Variants in MAOB observed in about 807,000 individuals in gnomAD.
MAOB encodes amine oxidase [flavin-containing] B.
Under a neutral mutation model 41.9 loss-of-function variants are expected in MAOB, and 15 were observed. The observed-to-expected ratio is 0.36, with a 90% CI of 0.24 to 0.55. The LOEUF is 0.55. Among genes scored for constraint, MAOB ranks in the 20% least tolerant of loss-of-function variants. The probability of loss-of-function intolerance (pLI) is 0.86; values close to 1 mark genes in which losing one functional copy is unlikely to be tolerated. For synonymous variants in MAOB, 167 were observed against 144.2 expected (o/e 1.16, Z -1.13); for missense variants, 345 against 398.7 (o/e 0.87, Z 1.15).
At chrX:43,795,691 G>C (rs1368515145) in intron 7 of MAOB, 48 bp downstream of exon 7, 1 of 1,073,793 alleles carries the variant, frequency 9.3e-7, no homozygotes, top group African/African-American at 1.9e-5. Context: ...TTGTATGCCA[G>C]GAAACTGGGA....
At chrX:43,787,383 C>T (rs1479886392) in intron 8 of MAOB, among the ~76,000 whole-genome samples, 5 of 111,131 alleles carry the variant, frequency 4.5e-5, no homozygotes, top group Non-Finnish European at 9.4e-5. Flanking sequence ...AATGTCCTAC[C>T]TGACATAATA....
chrX:43,856,128 G>A (rs1307468480), intron 1 of MAOB, among the ~76,000 whole-genome samples: 2 of 111,542 alleles, frequency 1.8e-5, no homozygotes, highest in Non-Finnish European at 3.8e-5. Flanking sequence ...CTGTCTCCCA[G>A]GCTGGAGTGC....
rs2035109269 is a variant in MAOB at position 43,839,557 on chromosome X, A to C, written c.142-552T>G. ...ACTTTGAACAAAAAATTAGTAGAAA[A>C]GTTTCCTATTTCTGAGTATGTCTAA... On this transcript the variant is annotated intron_variant, in intron 2 of 14. Coordinates refer to ENST00000378069, the MANE Select transcript of MAOB (RefSeq NM_000898.5). Among the ~76,000 whole-genome samples the C allele has an allele frequency of 3.6e-5, 4 of 111,975 alleles. No homozygotes were observed. The South Asian group carries it at 1.5e-3, about 42-fold the overall frequency.
At chrX:43,813,312 C>A (rs773544188) in intron 3 of MAOB, among the ~76,000 whole-genome samples, 15 of 112,251 alleles carry the variant, frequency 1.3e-4, no homozygotes, top group Non-Finnish European at 2.6e-4. Flanking sequence ...TTTCATCTTG[C>A]AGTTGAGTTT....
chrX:43,780,311 G>A (rs1026192037), intron 10 of MAOB, 31 bp downstream of exon 10: 10 of 1,159,188 alleles, frequency 8.6e-6, no homozygotes, highest in Non-Finnish European at 1.1e-5. Flanking sequence ...AAGGAAGGAA[G>A]AAACGAAAGA....
chrX:43,820,078 AC>A (rs1299817176), intron 3 of MAOB, among the ~76,000 whole-genome samples: 1 of 112,523 alleles, frequency 8.9e-6, no homozygotes, highest in African/African-American at 3.2e-5. Flanking sequence ...TTAGGAAAGG[AC>A]CTTGGAGTTA....
chrX:43,861,512 G>C (rs1231514474), intron 1 of MAOB, among the ~76,000 whole-genome samples: 1 of 111,577 alleles, frequency 9.0e-6, no homozygotes, highest in East Asian at 2.8e-4. Context: ...TTTTCCACCT[G>C]GACAAGGATT....
rs761668830 is a variant in MAOB, at chrX:43,767,445, G to A, written c.*21C>T. 64 of 1,193,503 alleles carry A rather than the reference G, an allele frequency of 5.4e-5. 1 individual carries two copies. Among genetic ancestry groups the A allele is most frequent in the Non-Finnish European group, 6.7e-5 (59 of 884,496 alleles). On this transcript the variant is annotated 3_prime_UTR_variant, in exon 15 of 15. Coordinates refer to ENST00000378069, the MANE Select transcript of MAOB (RefSeq NM_000898.5). Reference sequence around the variant, plus strand: ...CCCAAATACAGTAAGAAGAGAGTGTGATTACAGACACCCTCTCTCTTTAGA... The same window carrying A: ...CCCAAATACAGTAAGAAGAGAGTGTAATTACAGACACCCTCTCTCTTTAGA...
chrX:43,851,726 C>T (rs773314456), intron 1 of MAOB, among the ~76,000 whole-genome samples: 15 of 111,717 alleles, frequency 1.3e-4, no homozygotes, highest in Non-Finnish European at 2.3e-4. Context: ...ATGCTGACTA[C>T]GTCTCCAGGA....
In MAOB at chrX:43,793,400, A is replaced by G. The variant is rs200729046; in HGVS notation, c.928+19T>C. 42 of 1,131,498 alleles carry G rather than the reference A, an allele frequency of 3.7e-5. No homozygotes were observed. Among genetic ancestry groups the G allele is most frequent in the Non-Finnish European group, 4.8e-5 (41 of 849,682 alleles). 93.2% of individuals were successfully genotyped at this position (1,131,498 alleles called of 1,213,427 possible). A position where few individuals can be genotyped will look rare whatever the true frequency, so the allele number is the denominator to read the frequency against. ...CTTGGACCTTCTTCTAAAGGTTTTTATATAAGGAAAGTACTCACCCTTTTT... is the reference window on the plus strand; with the variant it reads ...CTTGGACCTTCTTCTAAAGGTTTTTGTATAAGGAAAGTACTCACCCTTTTT... On this transcript the variant is annotated intron_variant, in intron 8 of 14. Coordinates refer to ENST00000378069, the MANE Select transcript of MAOB (RefSeq NM_000898.5).
At position 43,882,441 on chromosome X, in the gene MAOB, C is replaced by T; in HGVS notation, c.-142G>A. On this transcript the variant is annotated 5_prime_UTR_variant, in exon 1 of 15. Transcript: ENST00000378069. ...CCCCGTGCACCAGCGCCTCGGCGAGCCGCTATATTACCAGCCCCGGGAGCC... is the reference window on the plus strand; with the variant it reads ...CCCCGTGCACCAGCGCCTCGGCGAGTCGCTATATTACCAGCCCCGGGAGCC... 2 of 1,009,607 alleles carry T rather than the reference C, an allele frequency of 2.0e-6. No homozygotes were observed. Among genetic ancestry groups the T allele is most frequent in the South Asian group, 3.0e-5 (1 of 32,815 alleles). 83.2% of individuals were successfully genotyped at this position (1,009,607 alleles called of 1,213,427 possible).
At chrX:43,879,403 A>G (rs1311686608) in intron 1 of MAOB, among the ~76,000 whole-genome samples, 2 of 112,414 alleles carry the variant, frequency 1.8e-5, no homozygotes, top group Non-Finnish European at 3.8e-5. Context: ...TAGAACGCAG[A>G]GTCAAATCCA....
intron 3 of MAOB, among the ~76,000 whole-genome samples, chrX:43,837,511 A>C (rs1293792784): frequency 8.9e-6 from 1 of 112,562 alleles, no homozygotes; most frequent in East Asian, 2.8e-4. Context: ...ATAAAATAAA[A>C]TTTGAAGGTC....
chrX:43,773,429 C>T (rs775048032), intron 12 of MAOB, among the ~76,000 whole-genome samples: 21 of 112,797 alleles, frequency 1.9e-4, no homozygotes, highest in African/African-American at 5.8e-4. Flanking sequence ...TAGCCCTCAA[C>T]ACTGTCAGCT....
intron 12 of MAOB, among the ~76,000 whole-genome samples, chrX:43,773,802 C>A (rs957363862): frequency 1.8e-5 from 2 of 112,016 alleles, no homozygotes; most frequent in Admixed American, 1.9e-4. Context: ...CTCCTCCTTG[C>A]CTTTTGCCAT....
At position 43,792,439 on chromosome X, in the gene MAOB, T is replaced by C. The variant is rs141801081; in HGVS notation, c.928+980A>G. Among the ~76,000 whole-genome samples the C allele has an allele frequency of 5.3e-4, 60 of 112,170 alleles. No individual in the cohort carries two copies. In the East Asian group the frequency reaches 0.013, roughly 25 times the overall value. On this transcript the variant is annotated intron_variant, in intron 8 of 14. Transcript: ENST00000378069. The stretch of plus-strand genomic sequence containing the variant: ...AATGGGAGAAAATATTTGCAAACTA[T>C]GCCTCTGACAAAGGTCTAATATCCA...
intron 3 of MAOB, among the ~76,000 whole-genome samples, chrX:43,813,502 G>A (rs765490941): frequency 1.8e-5 from 2 of 112,286 alleles, no homozygotes; most frequent in African/African-American, 3.2e-5. Context: ...GCTCTTGTCA[G>A]GTCTCTGCTC....
chrX:43,814,913 T>C (rs1284149023), intron 3 of MAOB, among the ~76,000 whole-genome samples: 2 of 112,052 alleles, frequency 1.8e-5, no homozygotes, highest in African/African-American at 3.2e-5. Flanking sequence ...TTGTAATTCC[T>C]CCCTCAAAGA....
intron 1 of MAOB, among the ~76,000 whole-genome samples, chrX:43,860,415 C>T (rs139610941): frequency 9.0e-6 from 1 of 111,463 alleles, no homozygotes; most frequent in East Asian, 2.8e-4. Flanking sequence ...ACAATTCACC[C>T]AGTTTTTCAG....
Sources: allele counts gnomAD v4.1 joint callset (sites outside exome capture counted in the v4.1 genomes callset), GRCh38; gene constraint gnomAD v4.1.1; transcripts MANE v1.5; gene names NCBI Gene and HGNC (gene_info 2026-07-23, HGNC 2026-07-21).